DPP6: variants seen among roughly 807,000 people sequenced by gnomAD.
The protein encoded by DPP6 is dipeptidyl peptidase like 6, also known as A-type potassium channel modulatory protein DPP6.
A neutral mutation model predicts 122.6 loss-of-function variants in DPP6; 69 were observed. The ratio of observed to expected loss-of-function variants is 0.56; its 90% CI spans 0.46 to 0.69. DPP6 has a LOEUF of 0.69. DPP6 is among the 30% of genes least tolerant of loss of function. The pLI, the probability that DPP6 is intolerant of heterozygous loss-of-function variation, is 0.00. For synonymous variants in DPP6, 418 were observed against 433.1 expected, an observed-to-expected ratio of 0.97 and a Z score of 0.43; for missense variants, 928 against 1,116.9, an observed-to-expected ratio of 0.83 and a Z score of 2.41.
intron 5 of DPP6, among the ~76,000 whole-genome samples, chr7:154,567,196 C>G (rs1830815085): frequency 6.6e-6 from 1 of 152,098 alleles, no homozygotes; most frequent in Admixed American, 6.5e-5. Context: ...ACAAATCTTG[C>G]CCTTTTGTGC....
intron 1 of DPP6, among the ~76,000 whole-genome samples, chr7:153,943,368 A>G (rs1166423126): frequency 6.6e-6 from 1 of 152,148 alleles, no homozygotes; most frequent in Non-Finnish European, 1.5e-5. Context: ...TGTCTTGGAA[A>G]TTTCAGACAT....
At chr7:154,396,764 C>T (rs1001418907) in intron 1 of DPP6, among the ~76,000 whole-genome samples, 14 of 152,218 alleles carry the variant, frequency 9.2e-5, no homozygotes, top group South Asian at 4.1e-4. Flanking sequence ...GCCAACATGC[C>T]GAAACCTTGT....
At chr7:154,229,853 A>T (rs924534238) in intron 1 of DPP6, among the ~76,000 whole-genome samples, 1 of 152,192 alleles carries the variant, frequency 6.6e-6, no homozygotes, top group African/African-American at 2.4e-5. Flanking sequence ...ATAACAAATT[A>T]GTACAAGCTT....
In DPP6 at chr7:154,677,854, C is replaced by T. The variant is rs553574151; in HGVS notation, c.762+8413C>T. On this transcript the variant is annotated intron_variant, in intron 7 of 25. Transcript: ENST00000377770. ...GTAGGGTCCCAGGCCACCTCCTCAGCCTCAGAATGGGAAGGTCCTAGGTAA... is the reference window on the plus strand; with the variant it reads ...GTAGGGTCCCAGGCCACCTCCTCAGTCTCAGAATGGGAAGGTCCTAGGTAA... Among the ~76,000 whole-genome samples the T allele has an allele frequency of 5.9e-5, 9 of 152,270 alleles. No individual in the cohort carries two copies. In the South Asian group the frequency reaches 1.9e-3, roughly 32 times the overall value.
intron 5 of DPP6, among the ~76,000 whole-genome samples, chr7:154,576,690 C>A (rs926409576): frequency 6.6e-5 from 10 of 152,090 alleles, no homozygotes; most frequent in Non-Finnish European, 1.0e-4. Flanking sequence ...GGGCACAGCC[C>A]CTGTGGATGG....
chr7:154,361,826 A>G (rs1404872975), intron 1 of DPP6, among the ~76,000 whole-genome samples: 2 of 152,240 alleles, frequency 1.3e-5, no homozygotes, highest in Admixed American at 1.3e-4. Context: ...TCCCTGCCTT[A>G]CAGATGGAGA....
chr7:154,715,329 A>G (rs976818318), intron 7 of DPP6, among the ~76,000 whole-genome samples: 2 of 152,232 alleles, frequency 1.3e-5, no homozygotes, highest in Non-Finnish European at 2.9e-5. Context: ...TAGGCCTCCC[A>G]AAGTGCTGGG....
intron 1 of DPP6, among the ~76,000 whole-genome samples, chr7:154,334,661 C>T (rs1227304125): frequency 6.6e-6 from 1 of 152,178 alleles, no homozygotes; most frequent in East Asian, 1.9e-4. Flanking sequence ...CTTTGGGAGG[C>T]CGCGGTGGCA....
At chr7:154,726,524 G>A (rs1367678330) in intron 7 of DPP6, among the ~76,000 whole-genome samples, 1 of 152,216 alleles carries the variant, frequency 6.6e-6, no homozygotes, top group East Asian at 1.9e-4. Context: ...GCAATGCAGG[G>A]CACCAAGGCT....
At chr7:153,884,083 CAT>C (rs1318294879), upstream of DPP6, among the ~76,000 whole-genome samples, 1 of 152,152 alleles carries the variant, frequency 6.6e-6, no homozygotes, top group Non-Finnish European at 1.5e-5. Context: ...CATATGTACA[CAT>C]GTGCCATGTT....
At chr7:153,899,199 C>T (rs1437731408) in intron 1 of DPP6, among the ~76,000 whole-genome samples, 1 of 151,434 alleles carries the variant, frequency 6.6e-6, no homozygotes, top group African/African-American at 2.4e-5. Context: ...TCCTTCTCCT[C>T]CTCCTCCTCC....
chr7:153,986,018 A>C (rs1796827708), intron 1 of DPP6, among the ~76,000 whole-genome samples: 1 of 152,176 alleles, frequency 6.6e-6, no homozygotes, highest in African/African-American at 2.4e-5. Flanking sequence ...CTCCAGAGAG[A>C]GAAAGGGAGA....
chr7:153,749,440 G>T, the DPP6 span, among the ~76,000 whole-genome samples: 522 of 152,196 alleles, frequency 3.4e-3, 2 homozygotes, highest in Non-Finnish European at 5.8e-3. This position sits in a 1 kb window ranked among gnomAD's most constrained non-coding sequence, Gnocchi z 4.1. Context: ...AAGCGCGCGC[G>T]GGGCTCTCCC....
At chr7:154,857,776 C>A (rs904411821) in intron 17 of DPP6, among the ~76,000 whole-genome samples, 2 of 152,096 alleles carry the variant, frequency 1.3e-5, no homozygotes, top group Non-Finnish European at 2.9e-5. Context: ...ATGTGGTTTG[C>A]GGGGGGATGT....
At chr7:154,744,766 T>C (rs1842963497) in intron 8 of DPP6, among the ~76,000 whole-genome samples, 3 of 152,198 alleles carry the variant, frequency 2.0e-5, no homozygotes, top group Non-Finnish European at 1.5e-5. Context: ...CACAGATCTA[T>C]CAGGCATGTT....
At chr7:154,426,171 T>C (rs1817895187) in intron 1 of DPP6, among the ~76,000 whole-genome samples, 1 of 152,206 alleles carries the variant, frequency 6.6e-6, no homozygotes, top group Non-Finnish European at 1.5e-5. Flanking sequence ...TTACTCCAGC[T>C]CTTTACCCAG....
At chr7:154,840,653 C>T (rs1032307724) in intron 16 of DPP6, among the ~76,000 whole-genome samples, 6 of 152,176 alleles carry the variant, frequency 3.9e-5, no homozygotes, top group Admixed American at 1.3e-4. Context: ...CAGACTCATA[C>T]GGAATATACA....
At chr7:153,848,267 C>CCACCCCAGTCCT in the DPP6 span, among the ~76,000 whole-genome samples, 1 of 150,944 alleles carries the variant, frequency 6.6e-6, no homozygotes, top group Admixed American at 6.6e-5. Flanking sequence ...ACCCCTACCC[C>CCACCCCAGTCCT]CACCCCAGTC....
At chr7:154,691,689 C>T (rs1839939284) in intron 7 of DPP6, among the ~76,000 whole-genome samples, 1 of 152,026 alleles carries the variant, frequency 6.6e-6, no homozygotes, top group Admixed American at 6.6e-5. Flanking sequence ...CATGGTGGTG[C>T]ACACCTGTAG....
Sources: allele counts gnomAD v4.1 joint callset (sites outside exome capture counted in the v4.1 genomes callset), GRCh38; gene constraint gnomAD v4.1.1; non-coding constraint Gnocchi (gnomAD v3.1); transcripts MANE v1.5; gene names NCBI Gene and HGNC (gene_info 2026-07-23, HGNC 2026-07-21).